RIPK4: variants seen among roughly 807,000 people sequenced by gnomAD.
RIPK4 encodes the protein receptor interacting serine/threonine kinase 4, also known as receptor-interacting serine/threonine-protein kinase 4.
Under a neutral mutation model 42.9 loss-of-function variants are expected in RIPK4, and 17 were observed. The ratio of observed to expected loss-of-function variants is 0.40; its 90% confidence interval spans 0.27 to 0.59. The LOEUF (loss-of-function observed/expected upper bound fraction) is 0.59, where lower values mean the gene tolerates loss of function less well. Among genes scored for constraint, RIPK4 ranks in the 20% least tolerant of loss-of-function variants. RIPK4 has a pLI of 0.47. For synonymous variants in RIPK4, 498 were observed against 499.1 expected (o/e 1.00, Z 0.03); for missense variants, 897 against 1,104.4 (o/e 0.81, Z 2.66).
intron 1 of RIPK4, 133 bp from the exon 2 acceptor site, chr21:41,756,949 T>C (rs2061205499): frequency 6.9e-6 from 6 of 871,360 alleles, no homozygotes; most frequent in Non-Finnish European, 1.0e-5. Context: ...TGGGGCACAC[T>C]TCAATGTCAC....
At position 41,751,132 on chromosome 21, in the gene RIPK4, C is replaced by A; in HGVS notation, c.588G>T (p.Lys196Asn). 1 of 1,614,180 alleles carries A rather than the reference C, an allele frequency of 6.2e-7. No homozygotes were observed. Among genetic ancestry groups the A allele is most frequent in the Non-Finnish European group, 8.5e-7 (1 of 1,180,040 alleles). The change falls in exon 3 of 8, where the codon AAG (lysine) becomes AAT (asparagine). Residue 196 changes from lysine (K) to asparagine (N), a missense_variant. Transcript: ENST00000332512. This position sits in a 1 kb window ranked among gnomAD's most constrained non-coding sequence, Gnocchi z 4.5. Reference protein sequence around the residue: ...AYLPPERIREKSRLFDTKHDV... With the variant: ...AYLPPERIRENSRLFDTKHDV... ...CGTGCTTGGTGTCGAAGAGCCGGCT[C>A]TTCTCCCTGATGCGCTCTGGAGGGA...
intron 1 of RIPK4, among the ~76,000 whole-genome samples, chr21:41,765,626 G>T (rs1217819625): frequency 6.6e-6 from 1 of 152,218 alleles, no homozygotes. Context: ...CGATTCTGCA[G>T]AAAAGCTGGG....
Position 41,756,930 on chromosome 21 carries a change from GCACACACATGGGGCACA to G in RIPK4, c.183-131_183-115del, listed in dbSNP as rs1288452710. The stretch of plus-strand genomic sequence containing the variant: ...AGAGGGCTGAGCAAATGCCTCAAGT[GCACACACATGGGGCACA>G]CTTCAATGTCACATCACGAATGCAG... On this transcript the variant is annotated intron_variant, in intron 1 of 7. Coordinates refer to ENST00000332512, the MANE Select transcript of RIPK4 (RefSeq NM_020639.3). 9 of 1,045,458 alleles carry G rather than the reference GCACACACATGGGGCACA, an allele frequency of 8.6e-6. No individual in the cohort carries two copies. In the African/African-American group the frequency reaches 1.4e-4, roughly 17 times the overall value. 64.8% of individuals were successfully genotyped at this position (1,045,458 alleles called of 1,614,324 possible).
rs538701130 is a variant in RIPK4, at chr21:41,750,523, G to A, written c.623+574C>T. Among the ~76,000 whole-genome samples the A allele has an allele frequency of 3.3e-5, 5 of 152,276 alleles. No homozygotes were observed. In the East Asian group the frequency reaches 7.7e-4, roughly 24 times the overall value. On this transcript the variant is annotated intron_variant, in intron 3 of 7. Transcript: ENST00000332512. ...CCAACAGACAAGCCATAAAGCCCAC[G>A]GGTCATGAAATCACCAAGGCTCTGA...
chr21:41,746,957 A>T, intron 4 of RIPK4, 186 bp from the exon 5 acceptor site: 1 of 624,266 alleles, frequency 1.6e-6, no homozygotes, highest in South Asian at 2.1e-5. Context: ...ATGGTGCGCC[A>T]TGCTCTCTAG....
At chr21:41,744,379 C>G (rs369529960) in intron 6 of RIPK4, among the ~76,000 whole-genome samples, 1 of 150,976 alleles carries the variant, frequency 6.6e-6, no homozygotes, top group South Asian at 2.1e-4. Context: ...ACCCCGCGCC[C>G]GCACAGTGCC....
At chr21:41,757,708 T>C (rs1166311617) in intron 1 of RIPK4, among the ~76,000 whole-genome samples, 3 of 150,650 alleles carry the variant, frequency 2.0e-5, no homozygotes, top group Non-Finnish European at 4.4e-5. Context: ...TTTTTTAAAA[T>C]AAAAAATATA....
rs749632648 is a variant in RIPK4, at chr21:41,751,871, C to T, written c.475-626G>A. Among the ~76,000 whole-genome samples the T allele has an allele frequency of 2.0e-5, 3 of 152,188 alleles. No homozygotes were observed. Among genetic ancestry groups the T allele is most frequent in the East Asian group, 1.9e-4 (1 of 5,190 alleles). ...GCTGGCTGCTTCAAACACATGTGTT[C>T]GAGTGAAGGTCTGATAAACACCTCT... On this transcript the variant is annotated intron_variant, in intron 2 of 7. Coordinates refer to ENST00000332512, the MANE Select transcript of RIPK4 (RefSeq NM_020639.3). This position sits in a 1 kb window ranked among gnomAD's most constrained non-coding sequence, Gnocchi z 4.5.
chr21:41,745,670 C>A (rs1027256635), intron 6 of RIPK4, 89 bp downstream of exon 6: 2 of 927,120 alleles, frequency 2.2e-6, no homozygotes, highest in African/African-American at 1.6e-5. Flanking sequence ...GTGGTCCGGG[C>A]GGCGGGGGAC....
In RIPK4 at chr21:41,744,099, G is replaced by C. The variant is rs764372263; in HGVS notation, c.978C>G (p.Phe326Leu). 6.2e-7 allele frequency: 1 copy of C among 1,607,480 alleles called. No individual in the cohort carries two copies. The highest frequency in any genetic ancestry group is 1.3e-5 in the African/African-American group (1 of 74,838). ...ARLKRASAPT[F>L]DNDYSLSELL... The stretch of plus-strand genomic sequence containing the variant: ...GCTCGGAGAGGCTGTAGTCGTTATC[G>C]AAGGTGGGGGCAGAGGCCCGCTTGA... Residue 326 changes from phenylalanine (F) to leucine (L), a missense_variant, in exon 7 of 8, where the codon TTC (phenylalanine) becomes TTG (leucine). Physicochemically the swap from Phe to Leu is conservative, Grantham distance 22. Transcript: ENST00000332512.
chr21:41,747,277 G>A (rs554895310), intron 4 of RIPK4, among the ~76,000 whole-genome samples: 5 of 152,252 alleles, frequency 3.3e-5, no homozygotes, highest in African/African-American at 4.8e-5. Context: ...CTCCCCTGCC[G>A]GTGCACCAGG....
chr21:41,763,086 C>T (rs1601685686), intron 1 of RIPK4, among the ~76,000 whole-genome samples: 2 of 152,260 alleles, frequency 1.3e-5, no homozygotes, highest in South Asian at 2.1e-4. Flanking sequence ...TCTGCTTCCA[C>T]GCAGGAACGG....
rs747536967 is a variant in RIPK4 at position 41,749,174 on chromosome 21, G to T, written c.653C>A (p.Thr218Lys). ...CTCACCTGCAAACGGCTTCTTCTGT[G>T]TGAGCACGCCCCAGATGACGATCGC... Reference protein sequence around the residue: ...SFAIVIWGVLTQKKPFADEKN... With the variant: ...SFAIVIWGVLKQKKPFADEKN... The change falls in exon 4 of 8, where the codon ACA becomes AAA. Residue 218 changes from threonine to lysine, a missense_variant. Physicochemically the swap from Thr to Lys is moderately conservative, Grantham distance 78 (BLOSUM62 -1). Coordinates refer to ENST00000332512, the MANE Select transcript of RIPK4 (RefSeq NM_020639.3). 5 of 1,613,910 alleles carry T rather than the reference G, an allele frequency of 3.1e-6. No individual in the cohort carries two copies. The highest frequency in any genetic ancestry group is 4.2e-6 in the Non-Finnish European group (5 of 1,179,926).
At position 41,741,876 on chromosome 21, in the gene RIPK4, G is replaced by A. The variant is rs1487539445; in HGVS notation, c.1317C>T (p.Ala439=). 6.2e-7 allele frequency: 1 copy of A among 1,613,364 alleles called. No homozygotes were observed. The highest frequency in any genetic ancestry group is 1.3e-5 in the African/African-American group (1 of 74,944). The part of the protein sequence containing the change: ...QDVDLALDSG[A]SLLHLAVEAG... ...CCTCCACCGCCAGGTGCAGCAGGCT[G>A]GCACCGCTGTCCAGTGCCAGGTCCA... The change falls in exon 8 of 8, where the codon GCC becomes GCT. Residue 439 remains alanine (A), a synonymous_variant. Transcript: ENST00000332512.
At chr21:41,750,661 T>A (rs1287535080) in intron 3 of RIPK4, among the ~76,000 whole-genome samples, 1 of 152,092 alleles carries the variant, frequency 6.6e-6, no homozygotes, top group Non-Finnish European at 1.5e-5. Context: ...CCACCCCTTC[T>A]ATGTGGACTT....
intron 1 of RIPK4, among the ~76,000 whole-genome samples, chr21:41,765,237 T>A (rs1009597972): frequency 2.0e-5 from 3 of 152,230 alleles, no homozygotes; most frequent in African/African-American, 7.2e-5. Context: ...AATGCCCCTA[T>A]GGAGAGGGTT....
chr21:41,754,664 C>G (rs1429241237), intron 2 of RIPK4, among the ~76,000 whole-genome samples: 1 of 152,228 alleles, frequency 6.6e-6, no homozygotes, highest in Non-Finnish European at 1.5e-5. Context: ...TCTGCTGCTG[C>G]CTGCCCCGAC....
Position 41,755,349 on chromosome 21 carries a change from C to T in RIPK4, c.474+1176G>A, listed in dbSNP as rs571378206. ...TAAGAGACAACTTATAATTACTGCC[C>T]GAAGTGAAAAATTGACCTCCTCACC... On this transcript the variant is annotated intron_variant, in intron 2 of 7. Transcript: ENST00000332512. This position sits in a 1 kb window ranked among gnomAD's most constrained non-coding sequence, Gnocchi z 4.2. Among the ~76,000 whole-genome samples the T allele has an allele frequency of 2.5e-4, 38 of 152,254 alleles. 1 individual carries two copies. Among genetic ancestry groups the T allele is most frequent in the Admixed American group, 1.8e-3 (28 of 15,300 alleles).
intron 1 of RIPK4, among the ~76,000 whole-genome samples, chr21:41,766,546 C>T (rs2061237355): frequency 1.3e-5 from 2 of 152,274 alleles, no homozygotes; most frequent in South Asian, 4.1e-4. Context: ...TCAGGAAGCA[C>T]GACTGGGCGC....
Sources: gnomAD v4.1 joint callset for allele counts (sites outside exome capture counted in the v4.1 genomes callset) on GRCh38, gnomAD v4.1.1 for gene constraint, Gnocchi (gnomAD v3.1) non-coding constraint, MANE v1.5 for transcripts, NCBI Gene and HGNC (gene_info 2026-07-23, HGNC 2026-07-21) for gene names.